Variants in ANXA2 observed in about 807,000 individuals in gnomAD.
ANXA2 encodes annexin II.
Under a neutral mutation model 47.3 loss-of-function variants are expected in ANXA2, and 28 were observed. The observed-to-expected ratio is 0.59, with a 90% CI of 0.44 to 0.81. The LOEUF is 0.81. ANXA2 is among the 40% of genes least tolerant of loss of function. The probability of loss-of-function intolerance (pLI) is 0.00; values close to 1 mark genes in which losing one functional copy is unlikely to be tolerated. For synonymous variants in ANXA2, 172 were observed against 155.5 expected, an observed-to-expected ratio of 1.11 and a Z score of -0.79; for missense variants, 384 against 414.3, an observed-to-expected ratio of 0.93 and a Z score of 0.64.
chr15:60,377,284 G>A (rs1246255271), intron 3 of ANXA2, among the ~76,000 whole-genome samples: 12 of 152,062 alleles, frequency 7.9e-5, no homozygotes. Context: ...GGAACAAAAG[G>A]GTTGTTATCC....
intron 1 of ANXA2, chr15:60,393,751 T>G: frequency 1.1e-6 from 1 of 915,108 alleles, no homozygotes; most frequent in South Asian, 5.0e-5. Flanking sequence ...AACATTAGAG[T>G]TACATGTGTA....
intron 4 of ANXA2, among the ~76,000 whole-genome samples, chr15:60,363,761 G>A (rs912234269): frequency 3.3e-5 from 5 of 152,114 alleles, no homozygotes; most frequent in Non-Finnish European, 5.9e-5. Context: ...AAGCCCACTC[G>A]TTGCAAAAAG....
At chr15:60,397,920 C>T in intron 1 of ANXA2, 23 bp downstream of exon 1, 2 of 1,329,720 alleles carry the variant, frequency 1.5e-6, no homozygotes, top group Non-Finnish European at 9.6e-7. Flanking sequence ...CCATCGCGGG[C>T]GGGCAGGGCG....
At chr15:60,388,081 G>A (rs553732918) in intron 1 of ANXA2, among the ~76,000 whole-genome samples, 5 of 152,016 alleles carry the variant, frequency 3.3e-5, no homozygotes, top group Middle Eastern at 3.4e-3. Context: ...CCAACTACTC[G>A]GGAGGCTGAG....
Position 60,347,314 on chromosome 15 carries a change from A to G in ANXA2, c.*316T>C. On this transcript the variant is annotated 3_prime_UTR_variant, in exon 13 of 13. Transcript: ENST00000451270. ...ATTTTCAAACAATTCAGTTGAAAGC[A>G]GGGCCACAAAGTACGTGTTTCTAAA... 1 of 381,640 alleles carries G rather than the reference A, an allele frequency of 2.6e-6. No homozygotes were observed. The highest frequency in any genetic ancestry group is 4.9e-5 in the East Asian group (1 of 20,498). The allele number at this position is 381,640 out of a possible 1,614,324, so 23.6% of individuals were successfully genotyped here.
At chr15:60,349,223 C>T (rs1895876338) in intron 11 of ANXA2, 26 bp from the exon 12 acceptor site, 2 of 1,612,634 alleles carry the variant, frequency 1.2e-6, no homozygotes. Flanking sequence ...ATATTTGTTA[C>T]ATTCGCTGAG....
At position 60,374,142 on chromosome 15, in the gene ANXA2, A is replaced by G. The variant is rs1249806777; in HGVS notation, c.148+8200T>C. 3.2e-4 allele frequency among the ~76,000 whole-genome samples: 49 copies of G among 152,168 alleles called. 1 individual carries two copies. The highest frequency in any genetic ancestry group is 3.1e-3 in the Admixed American group (47 of 15,272). ...TTTCTTCTATTTCCATTCTGCTTTG[A>G]TCTCACTTCAGCTGAGTTCCTTAGA... On this transcript the variant is annotated intron_variant, in intron 3 of 12. Transcript: ENST00000451270.
At chr15:60,360,801 A>G in intron 5 of ANXA2, 140 bp downstream of exon 5, 1 of 635,006 alleles carries the variant, frequency 1.6e-6, no homozygotes. Flanking sequence ...ATCCTGAGAC[A>G]TATAACTTCA....
At chr15:60,364,300 A>T in intron 4 of ANXA2, 129 bp downstream of exon 4, 1 of 745,838 alleles carries the variant, frequency 1.3e-6, no homozygotes, top group Non-Finnish European at 2.3e-6. Flanking sequence ...TTAAGAAGAA[A>T]ATCTTAGATA....
intron 6 of ANXA2, among the ~76,000 whole-genome samples, chr15:60,356,258 G>C (rs894812357): frequency 3.3e-5 from 5 of 152,130 alleles, no homozygotes; most frequent in African/African-American, 9.7e-5. Context: ...CCGTTGATTG[G>C]TGACCTCTCG....
chr15:60,382,512 A>C, intron 2 of ANXA2, 71 bp from the exon 3 acceptor site: 1 of 1,108,314 alleles, frequency 9.0e-7, no homozygotes, highest in Non-Finnish European at 1.3e-6. Context: ...ACAATGCCTA[A>C]TATGTTTTCC....
chr15:60,381,394 A>G (rs2062856049), intron 3 of ANXA2, among the ~76,000 whole-genome samples: 1 of 152,198 alleles, frequency 6.6e-6, no homozygotes, highest in African/African-American at 2.4e-5. Flanking sequence ...GGAGAATCAC[A>G]AAAGTCACCA....
intron 1 of ANXA2, chr15:60,393,746 T>C: frequency 4.3e-6 from 4 of 923,818 alleles, no homozygotes; most frequent in Non-Finnish European, 5.2e-6. Context: ...TGTGCAACAT[T>C]AGAGTTACAT....
intron 4 of ANXA2, 94 bp from the exon 5 acceptor site, chr15:60,361,148 G>T: frequency 2.3e-6 from 2 of 882,482 alleles, no homozygotes; most frequent in Non-Finnish European, 3.7e-6. Context: ...TGTGAAGCAG[G>T]TTGTGAGTCT....
chr15:60,375,426 T>C (rs893631451), intron 3 of ANXA2, among the ~76,000 whole-genome samples: 1 of 152,136 alleles, frequency 6.6e-6, no homozygotes, highest in African/African-American at 2.4e-5. Flanking sequence ...TTTTCTGGAG[T>C]CTCGATTCAT....
chr15:60,367,441 G>T (rs1356213725), intron 3 of ANXA2, among the ~76,000 whole-genome samples: 1 of 79,210 alleles, frequency 1.3e-5, no homozygotes, highest in Admixed American at 1.2e-4. Context: ...GTGGGGGGGG[G>T]GGTCAGCCCC....
chr15:60,393,971 T>C (rs542265421), intron 1 of ANXA2, among the ~76,000 whole-genome samples: 2 of 152,340 alleles, frequency 1.3e-5, no homozygotes, highest in East Asian at 3.9e-4. Flanking sequence ...TCCCTCAGAC[T>C]GGACATTTCG....
chr15:60,349,907 G>A lies in ANXA2; in HGVS notation c.838-710C>T, dbSNP rs1284894736. Among the ~76,000 whole-genome samples the A allele has an allele frequency of 1.0e-3, 55 of 54,120 alleles. 2 individuals are homozygous for A. Among genetic ancestry groups the A allele is most frequent in the Admixed American group, 2.4e-3 (10 of 4,160 alleles). 35.5% of individuals were successfully genotyped at this position (54,120 alleles called of 152,430 possible). ...AGGCAGGAGAAGGCAGGGAGGCAGG[G>A]GAAGGCAGGGAGGCAGGGGAAGGCA... On this transcript the variant is annotated intron_variant, in intron 11 of 12. Transcript: ENST00000451270.
At chr15:60,397,178 C>T in intron 1 of ANXA2, 1 of 800,844 alleles carries the variant, frequency 1.2e-6, no homozygotes, top group Non-Finnish European at 1.5e-6. Context: ...GCCCTTCTCT[C>T]TACTCTCAGT....
Sources: gnomAD v4.1 joint callset for allele counts (sites outside exome capture counted in the v4.1 genomes callset) on GRCh38, gnomAD v4.1.1 for gene constraint, MANE v1.5 for transcripts, NCBI Gene and HGNC (gene_info 2026-07-23, HGNC 2026-07-21) for gene names.